Variants in OR51B5 observed in about 807,000 individuals in gnomAD.
OR51B5 encodes the protein olfactory receptor 51B5.
For missense variants in OR51B5, 456 were observed against 374.6 expected (o/e 1.22, Z -1.79); for synonymous variants, 186 against 144.8 (o/e 1.28, Z -2.04).
intron 1 of OR51B5, among the ~76,000 whole-genome samples, chr11:5,425,313 T>A (rs1217123344): frequency 6.6e-6 from 1 of 152,194 alleles, no homozygotes; most frequent in Non-Finnish European, 1.5e-5. Context: ...TGTTGGTTTT[T>A]CAAAAGAGGA....
intron 1 of OR51B5, among the ~76,000 whole-genome samples, chr11:5,402,007 CTTTCT>C (rs1849978015): frequency 6.8e-6 from 1 of 146,852 alleles, no homozygotes; most frequent in African/African-American, 2.5e-5. Context: ...TTCTCTTTTT[CTTTCT>C]TTTCTTTTCT....
At chr11:5,434,460 T>C (rs1362199514) in intron 1 of OR51B5, among the ~76,000 whole-genome samples, 1 of 152,182 alleles carries the variant, frequency 6.6e-6, no homozygotes, top group Non-Finnish European at 1.5e-5. Context: ...GCCTAGGTTT[T>C]GGGGCTAGTG....
Position 5,423,356 on chromosome 11 carries a change from T to C in OR51B5, n.85-76446A>G, listed in dbSNP as rs1191474288. On this transcript the variant is annotated intron_variant and non_coding_transcript_variant, in intron 1 of 4. Coordinates refer to the OR51B5 transcript ENST00000415970. ...CAAAAGAGATATGGATCTGAGTTGA[T>C]AAAATTCTAGCACATCTTAGCAGCT... 9.0e-6 allele frequency: 5 copies of C among 556,588 alleles called. 1 individual carries two copies. Among genetic ancestry groups the C allele is most frequent in the Middle Eastern group, 9.7e-4 (2 of 2,056 alleles). 34.5% of individuals were successfully genotyped at this position (556,588 alleles called of 1,614,324 possible).
chr11:5,496,359 G>A (rs984767433), intron 1 of OR51B5, among the ~76,000 whole-genome samples: 3 of 1,900 alleles, frequency 1.6e-3, no homozygotes, highest in African/African-American at 5.1e-3. Context: ...ATTTGAATTG[G>A]CAACAAAAAT....
downstream of OR51B5, chr11:5,342,529 C>T (rs1038117897): frequency 4.6e-6 from 7 of 1,518,518 alleles, no homozygotes; most frequent in Non-Finnish European, 5.3e-6. Context: ...CTTCTTTGCT[C>T]TCCTGCTAAA....
At chr11:5,488,590 CT>C in intron 1 of OR51B5, 3 of 819,482 alleles carry the variant, frequency 3.7e-6, no homozygotes, top group Non-Finnish European at 5.7e-6. Context: ...TTTTTTTAGT[CT>C]AAAAAAGATT....
At chr11:5,436,605 T>C (rs1850599678) in intron 1 of OR51B5, among the ~76,000 whole-genome samples, 1 of 152,196 alleles carries the variant, frequency 6.6e-6, no homozygotes, top group African/African-American at 2.4e-5. Context: ...TGGCAGACCA[T>C]GAGGGTATTT....
intron 1 of OR51B5, among the ~76,000 whole-genome samples, chr11:5,453,086 AAC>A (rs772507804): frequency 2.0e-5 from 3 of 152,260 alleles, no homozygotes; most frequent in Non-Finnish European, 4.4e-5. Context: ...TGCTACTGAT[AAC>A]ACAAACTCCT....
intron 1 of OR51B5, chr11:5,389,335 G>C: frequency 6.7e-7 from 1 of 1,482,632 alleles, no homozygotes; most frequent in Non-Finnish European, 9.3e-7. Flanking sequence ...TGTTGTGAAT[G>C]TTAGTGAAGC....
At chr11:5,422,661 G>A (rs199601134) in intron 1 of OR51B5, 7 of 1,613,932 alleles carry the variant, frequency 4.3e-6, no homozygotes, top group Non-Finnish European at 5.9e-6. Flanking sequence ...ATTTGCTGCT[G>A]TGTTCTGGCG....
At chr11:5,454,939 G>A (rs755293994) in intron 1 of OR51B5, 10 of 152,514 alleles carry the variant, frequency 6.6e-5, no homozygotes, top group Non-Finnish European at 1.5e-4. Flanking sequence ...AATATGGCCT[G>A]ACGGTCAAAT....
At chr11:5,340,790 C>A (rs1035455838), downstream of OR51B5, 2 of 152,064 alleles carry the variant, frequency 1.3e-5, no homozygotes, top group Non-Finnish European at 2.9e-5. Flanking sequence ...GAATATTTAA[C>A]TTTTTTATAT....
At chr11:5,371,105 A>G (rs555330267) in intron 1 of OR51B5, among the ~76,000 whole-genome samples, 9 of 152,336 alleles carry the variant, frequency 5.9e-5, no homozygotes, top group African/African-American at 1.9e-4. Flanking sequence ...AGCCCTAGCT[A>G]TGGACCACCA....
At chr11:5,505,466 G>A (rs1846358732) in intron 1 of OR51B5, 1 of 1,299,692 alleles carries the variant, frequency 7.7e-7, no homozygotes, top group Non-Finnish European at 1.0e-6. Context: ...ATGGGGAGTG[G>A]AGTGAGGGGA....
intron 1 of OR51B5, among the ~76,000 whole-genome samples, chr11:5,439,724 A>T (rs189186947): frequency 6.6e-6 from 1 of 152,312 alleles, no homozygotes; most frequent in East Asian, 1.9e-4. Context: ...ACTCTTGTTA[A>T]TCATGAGTTT....
chr11:5,383,262 G>A (rs1372698815), intron 1 of OR51B5, among the ~76,000 whole-genome samples: 3 of 152,256 alleles, frequency 2.0e-5, no homozygotes, highest in South Asian at 2.1e-4. Context: ...GTTTGGGGTA[G>A]GATTGAATAT....
intron 1 of OR51B5, among the ~76,000 whole-genome samples, chr11:5,349,490 T>C (rs1849041968): frequency 6.6e-6 from 1 of 152,060 alleles, no homozygotes; most frequent in Admixed American, 6.6e-5. Context: ...ATCTTTTCCC[T>C]CCCAGCTTTA....
chr11:5,471,130 G>A (rs1418506278), intron 1 of OR51B5, among the ~76,000 whole-genome samples: 1 of 151,894 alleles, frequency 6.6e-6, no homozygotes, highest in Non-Finnish European at 1.5e-5. Context: ...ATTCTTCTTT[G>A]TGACTTTTCT....
rs754708809 is a variant in OR51B5 at position 5,351,853 on chromosome 11, A to G, written n.85-4943T>C. On this transcript the variant is annotated intron_variant and non_coding_transcript_variant, in intron 1 of 4. Transcript: ENST00000415970. ...CATGGAGTCAGGTGTCTTGCTTGCC[A>G]TGGCTTATGACTGTTTCATTACCAT... The G allele has an allele frequency of 3.7e-6, 6 of 1,613,816 alleles. No homozygotes were observed. The African/African-American group carries it at 5.3e-5, about 14-fold the overall frequency.
Sources: gnomAD v4.1 joint callset for allele counts (sites outside exome capture counted in the v4.1 genomes callset) on GRCh38, gnomAD v4.1.1 for gene constraint, MANE v1.5 for transcripts, NCBI Gene and HGNC (gene_info 2026-07-23, HGNC 2026-07-21) for gene names.